The following PCDH15 variants were observed in gnomAD, a reference collection of about 807,000 sequenced individuals.
The protein encoded by PCDH15 is protocadherin related 15, also known as protocadherin-15.
Under a neutral mutation model 178.5 loss-of-function variants are expected in PCDH15, and 129 were observed. That is an observed-to-expected ratio of 0.72 (90% CI 0.63 to 0.84). The LOEUF is 0.84. Ranked by LOEUF, PCDH15 falls within the 40% of genes least tolerant of loss-of-function variation. The pLI, the probability that PCDH15 is intolerant of heterozygous loss-of-function variation, is 0.00. For missense variants in PCDH15, 2,230 were observed against 2,099.9 expected (o/e 1.06, Z -1.21); for synonymous variants, 800 against 732.0 (o/e 1.09, Z -1.50).
At chr10:54,522,753 T>C (rs549203334) in intron 3 of PCDH15, among the ~76,000 whole-genome samples, 86 of 152,210 alleles carry the variant, frequency 5.7e-4, no homozygotes, top group Non-Finnish European at 1.1e-3. Flanking sequence ...AAATGATTAA[T>C]GAAATGACTG....
chr10:54,879,815 A>G (rs1362769011), intron 3 of PCDH15, among the ~76,000 whole-genome samples: 1 of 152,090 alleles, frequency 6.6e-6, no homozygotes, highest in African/African-American at 2.4e-5. Context: ...TATTGATCTT[A>G]ATTTTATAGC....
intron 1 of PCDH15, among the ~76,000 whole-genome samples, chr10:54,748,640 G>C (rs2384531): frequency 6.6e-6 from 1 of 152,162 alleles, no homozygotes; most frequent in African/African-American, 2.4e-5. Context: ...TAAAGTGTGC[G>C]AAAAAAGGGT....
chr10:54,436,248 C>T (rs2075411787), intron 3 of PCDH15, among the ~76,000 whole-genome samples: 1 of 151,210 alleles, frequency 6.6e-6, no homozygotes, highest in Admixed American at 6.6e-5. Flanking sequence ...AAGAACACAT[C>T]CACATTTAAT....
chr10:54,487,721 A>G (rs1002306124), intron 3 of PCDH15, among the ~76,000 whole-genome samples: 4 of 152,034 alleles, frequency 2.6e-5, no homozygotes, highest in African/African-American at 9.6e-5. Flanking sequence ...GGATCCACAC[A>G]TTAATCAAGT....
intron 3 of PCDH15, among the ~76,000 whole-genome samples, chr10:54,430,828 T>C (rs1956881295): frequency 6.6e-6 from 1 of 152,000 alleles, no homozygotes; most frequent in Non-Finnish European, 1.5e-5. Flanking sequence ...ATAAAAAGTT[T>C]GTTTGTTGAA....
At chr10:55,238,931 T>A (rs1006375321) in intron 1 of PCDH15, among the ~76,000 whole-genome samples, 2 of 152,152 alleles carry the variant, frequency 1.3e-5, no homozygotes, top group Non-Finnish European at 2.9e-5. Context: ...ATACAATGAA[T>A]ATTGTTAACT....
chr10:54,162,126 T>C (rs933939448), intron 13 of PCDH15, among the ~76,000 whole-genome samples: 6 of 152,198 alleles, frequency 3.9e-5, no homozygotes, highest in African/African-American at 1.2e-4. Flanking sequence ...TGCTACATTA[T>C]AGAATGCCCT....
At chr10:54,929,244 G>T (rs1837707187) in intron 2 of PCDH15, among the ~76,000 whole-genome samples, 1 of 152,082 alleles carries the variant, frequency 6.6e-6, no homozygotes, top group Admixed American at 6.6e-5. Context: ...TGGGGGACTT[G>T]TATTGGGCCC....
chr10:53,910,692 A>G (rs949474106), intron 25 of PCDH15, among the ~76,000 whole-genome samples: 2 of 152,162 alleles, frequency 1.3e-5, no homozygotes, highest in African/African-American at 4.8e-5. Flanking sequence ...TAGGCTTCAG[A>G]AGGTTGGTAA....
intron 2 of PCDH15, among the ~76,000 whole-genome samples, chr10:54,969,082 A>AC (rs1446079914): frequency 6.7e-6 from 1 of 148,954 alleles, no homozygotes; most frequent in Admixed American, 6.7e-5. Flanking sequence ...TGTTTCTATT[A>AC]TTTTTTTTTT....
intron 2 of PCDH15, among the ~76,000 whole-genome samples, chr10:55,067,185 T>C (rs1841586437): frequency 6.6e-6 from 1 of 151,996 alleles, no homozygotes; most frequent in Non-Finnish European, 1.5e-5. Context: ...TTGTAACTTA[T>C]TTCTTCTATC....
intron 2 of PCDH15, among the ~76,000 whole-genome samples, chr10:55,360,495 A>C (rs1239632428): frequency 6.6e-6 from 1 of 151,974 alleles, no homozygotes. Context: ...TCTAGGAAAC[A>C]TATGTAACAA....
intron 10 of PCDH15, 99 bp from the exon 11 acceptor site, chr10:54,195,988 T>A: frequency 9.6e-7 from 1 of 1,042,684 alleles, no homozygotes; most frequent in Non-Finnish European, 1.4e-6. Context: ...TCTTTTTAAC[T>A]AATATCATCA....
intron 2 of PCDH15, among the ~76,000 whole-genome samples, chr10:55,132,942 G>T (rs1278725661): frequency 6.6e-6 from 1 of 152,098 alleles, no homozygotes; most frequent in South Asian, 2.1e-4. Context: ...TGGTTACTTG[G>T]TTTTAAGCCA....
At position 53,803,420 on chromosome 10, in the gene PCDH15, A is replaced by G. The variant is rs969020269; in HGVS notation, c.*3159T>C. ...CTCTATGATATAAAAATGTTTTTAA[A>G]TAATATTTTAATGGTAACTACTGAA... On this transcript the variant is annotated 3_prime_UTR_variant, in exon 38 of 38. Coordinates refer to ENST00000644397, the MANE Select transcript of PCDH15 (RefSeq NM_001384140.1). 2.6e-5 allele frequency: 4 copies of G among 151,934 alleles called. No homozygotes were observed. The highest frequency in any genetic ancestry group is 9.7e-5 in the African/African-American group (4 of 41,442). 9.4% of individuals were successfully genotyped at this position (151,934 alleles called of 1,614,324 possible).
intron 2 of PCDH15, among the ~76,000 whole-genome samples, chr10:55,577,835 T>A (rs1842525498): frequency 6.6e-6 from 1 of 152,142 alleles, no homozygotes; most frequent in African/African-American, 2.4e-5. Flanking sequence ...AAAATAAGAA[T>A]CATAATGAAT....
At chr10:55,122,268 C>T (rs1339433556) in intron 2 of PCDH15, among the ~76,000 whole-genome samples, 2 of 152,044 alleles carry the variant, frequency 1.3e-5, no homozygotes, top group African/African-American at 2.4e-5. Flanking sequence ...TTTGGTTTAA[C>T]TAGGTAAAAG....
At chr10:54,986,511 TGAGA>T (rs988696441) in intron 2 of PCDH15, among the ~76,000 whole-genome samples, 32 of 152,018 alleles carry the variant, frequency 2.1e-4, no homozygotes, top group Admixed American at 7.9e-4. Flanking sequence ...TTAGCAGGAG[TGAGA>T]GAGTCAGTTT....
At chr10:54,118,055 G>T (rs2095146833) in intron 15 of PCDH15, among the ~76,000 whole-genome samples, 1 of 152,156 alleles carries the variant, frequency 6.6e-6, no homozygotes, top group Non-Finnish European at 1.5e-5. Flanking sequence ...CCAAACTTAA[G>T]TGGCAGTGAA....
Sources: gnomAD v4.1 joint callset for allele counts (sites outside exome capture counted in the v4.1 genomes callset) on GRCh38, gnomAD v4.1.1 for gene constraint, MANE v1.5 for transcripts, NCBI Gene and HGNC (gene_info 2026-07-23, HGNC 2026-07-21) for gene names.